HPCAL1: variants seen among roughly 807,000 people sequenced by gnomAD.
HPCAL1 encodes the protein hippocalcin-like protein 1.
HPCAL1 carries 8 observed loss-of-function variants against 17.1 expected under a neutral mutation model. That is an observed-to-expected ratio of 0.47 (90% CI 0.27 to 0.84). The LOEUF is 0.84. Among genes scored for constraint, HPCAL1 ranks in the 40% least tolerant of loss-of-function variants. The pLI, the probability that HPCAL1 is intolerant of heterozygous loss-of-function variation, is 0.13. For missense variants in HPCAL1, 165 were observed against 271.1 expected (o/e 0.61, Z 2.75); for synonymous variants, 112 against 111.4 (o/e 1.01, Z -0.03).
At chr2:10,346,266 G>A (rs1665441358) in intron 1 of HPCAL1, among the ~76,000 whole-genome samples, 1 of 152,168 alleles carries the variant, frequency 6.6e-6, no homozygotes, top group Non-Finnish European at 1.5e-5. Context: ...GGGGCCATGG[G>A]GAGCCTCCTG....
Position 10,310,004 on chromosome 2 carries a change from G to A in HPCAL1, c.-111+6827G>A, listed in dbSNP as rs1187984630. Among the ~76,000 whole-genome samples, 7 of 152,230 alleles carry A rather than the reference G, an allele frequency of 4.6e-5. No homozygotes were observed. The highest frequency in any genetic ancestry group is 8.8e-5 in the Non-Finnish European group (6 of 68,036). ...CCTCATTTGCAAAATACCTTGGAAA[G>A]ATCAGGGACACTGGGGTTTGAATTG... On this transcript the variant is annotated intron_variant, in intron 1 of 4. Transcript: ENST00000307845. This position sits in a 1 kb window ranked among gnomAD's most constrained non-coding sequence, Gnocchi z 4.5.
chr2:10,366,143 C>T (rs1666837540), intron 1 of HPCAL1, among the ~76,000 whole-genome samples: 1 of 152,222 alleles, frequency 6.6e-6, no homozygotes, highest in South Asian at 2.1e-4. Flanking sequence ...GCTGGCCTCT[C>T]AGCACAGCAC....
At chr2:10,322,644 T>C (rs1322660103) in intron 1 of HPCAL1, among the ~76,000 whole-genome samples, 2 of 152,242 alleles carry the variant, frequency 1.3e-5, no homozygotes, top group African/African-American at 4.8e-5. Flanking sequence ...ATGCATCTTC[T>C]TCCTGCCTGG....
In HPCAL1 at chr2:10,323,940, A is replaced by G. The variant is rs560877062; in HGVS notation, c.-111+20763A>G. 6.6e-6 allele frequency among the ~76,000 whole-genome samples: 1 copy of G among 152,386 alleles called. No individual in the cohort carries two copies. Among genetic ancestry groups the G allele is most frequent in the South Asian group, 2.1e-4 (1 of 4,830 alleles). On this transcript the variant is annotated intron_variant, in intron 1 of 4. Coordinates refer to ENST00000307845, the MANE Select transcript of HPCAL1 (RefSeq NM_002149.4). This position sits in a 1 kb window ranked among gnomAD's most constrained non-coding sequence, Gnocchi z 4.6. ...TAAATGTGGCACAAGAACGTAGTCTAAAGGATGTACTTCACCATGCAAAAG... is the reference window on the plus strand; with the variant it reads ...TAAATGTGGCACAAGAACGTAGTCTGAAGGATGTACTTCACCATGCAAAAG...
In HPCAL1 at chr2:10,359,307, T is replaced by G. The variant is rs1022432044; in HGVS notation, c.-110-37528T>G. Among the ~76,000 whole-genome samples, 1 of 152,196 alleles carries G rather than the reference T, an allele frequency of 6.6e-6. No homozygotes were observed. The highest frequency in any genetic ancestry group is 1.5e-5 in the Non-Finnish European group (1 of 68,022). ...GGGAGGTGGGCAGCTGGGGGCTCTCTGGACCCTGCGGCTGGCATGGGTTAG... is the reference window on the plus strand; with the variant it reads ...GGGAGGTGGGCAGCTGGGGGCTCTCGGGACCCTGCGGCTGGCATGGGTTAG... On this transcript the variant is annotated intron_variant, in intron 1 of 4. Coordinates refer to ENST00000307845, the MANE Select transcript of HPCAL1 (RefSeq NM_002149.4). The surrounding 1 kb of genome is among the most constrained non-coding windows in gnomAD (Gnocchi z 4.1).
intron 1 of HPCAL1, among the ~76,000 whole-genome samples, chr2:10,328,901 A>G (rs1664179292): frequency 6.8e-6 from 1 of 146,548 alleles, no homozygotes; most frequent in Non-Finnish European, 1.5e-5. Context: ...CCCCACCCCC[A>G]CTCCCTTCCT....
intron 1 of HPCAL1, among the ~76,000 whole-genome samples, chr2:10,329,811 C>T (rs961765518): frequency 6.6e-6 from 1 of 152,240 alleles, no homozygotes; most frequent in African/African-American, 2.4e-5. Context: ...ATGCAAAGTT[C>T]ATGGTTCTAC....
At chr2:10,373,675 G>T (rs1667369685) in intron 1 of HPCAL1, among the ~76,000 whole-genome samples, 1 of 151,994 alleles carries the variant, frequency 6.6e-6, no homozygotes, top group South Asian at 2.1e-4. Context: ...CCACCGTCCA[G>T]CCTCGAGCAG....
At chr2:10,322,049 G>A (rs2125403988) in intron 1 of HPCAL1, among the ~76,000 whole-genome samples, 1 of 152,188 alleles carries the variant, frequency 6.6e-6, no homozygotes, top group South Asian at 2.1e-4. Flanking sequence ...TAGAGACAAG[G>A]TCTTGCTCTG....
intron 1 of HPCAL1, among the ~76,000 whole-genome samples, chr2:10,341,121 A>C (rs909097071): frequency 2.0e-5 from 3 of 152,042 alleles, no homozygotes; most frequent in Non-Finnish European, 4.4e-5. Context: ...TTTTTCTTAA[A>C]GCCTAGGTTG....
rs1164752982 is a variant in HPCAL1 at position 10,384,304 on chromosome 2, C to T, written c.-110-12531C>T. Among the ~76,000 whole-genome samples the T allele has an allele frequency of 6.6e-6, 1 of 152,068 alleles. No homozygotes were observed. The highest frequency in any genetic ancestry group is 1.5e-5 in the Non-Finnish European group (1 of 68,004). ...TGCCAGTGGTGTTCTTGCAAAATAC[C>T]CCTTGTGGGAGGAGAGGGGTGGAGG... is the stretch of plus-strand genomic sequence containing the variant. On this transcript the variant is annotated intron_variant, in intron 1 of 4. Coordinates refer to ENST00000307845, the MANE Select transcript of HPCAL1 (RefSeq NM_002149.4). This position sits in a 1 kb window ranked among gnomAD's most constrained non-coding sequence, Gnocchi z 4.4.
At chr2:10,328,276 G>A (rs1664138504) in intron 1 of HPCAL1, among the ~76,000 whole-genome samples, 2 of 152,234 alleles carry the variant, frequency 1.3e-5, no homozygotes, top group Admixed American at 6.5e-5. Context: ...ATTTACATTG[G>A]CGCTCAGATG....
chr2:10,340,119 G>A (rs377457677), intron 1 of HPCAL1, among the ~76,000 whole-genome samples: 3 of 152,174 alleles, frequency 2.0e-5, no homozygotes, highest in Non-Finnish European at 2.9e-5. Context: ...TGCCTGCACC[G>A]CCTTCCCCCA....
At chr2:10,355,450 CAAAAAAAAAAAAAAAAAA>C (rs34600690) in intron 1 of HPCAL1, among the ~76,000 whole-genome samples, 55 of 32,210 alleles carry the variant, frequency 1.7e-3, no homozygotes, top group Non-Finnish European at 2.2e-3. Flanking sequence ...GACTCCGTCT[CAAAAAAAAAAAAAAAAAA>C]AAAAAAAAAA....
intron 2 of HPCAL1, among the ~76,000 whole-genome samples, chr2:10,415,437 C>G (rs932251415): frequency 7.2e-5 from 11 of 152,170 alleles, no homozygotes; most frequent in African/African-American, 2.7e-4. Flanking sequence ...AGGACACTTG[C>G]CATGTTCTAT....
chr2:10,375,767 C>G (rs1376612264), intron 1 of HPCAL1, among the ~76,000 whole-genome samples: 1 of 152,204 alleles, frequency 6.6e-6, no homozygotes, highest in African/African-American at 2.4e-5. Flanking sequence ...ATGACAGCCC[C>G]TTATGCATGG....
rs948261625 is a variant in HPCAL1 at position 10,394,250 on chromosome 2, G to A, written c.-110-2585G>A. Among the ~76,000 whole-genome samples, 2 of 152,128 alleles carry A rather than the reference G, an allele frequency of 1.3e-5. No homozygotes were observed. The highest frequency in any genetic ancestry group is 2.9e-5 in the Non-Finnish European group (2 of 68,032). On this transcript the variant is annotated intron_variant, in intron 1 of 4. Coordinates refer to ENST00000307845, the MANE Select transcript of HPCAL1 (RefSeq NM_002149.4). The surrounding 1 kb of genome is among the most constrained non-coding windows in gnomAD (Gnocchi z 5.0). ...CGAGTGTCACCTGAGCTGGTGTCCCGGAGTCTCTTTCCTTCTCCATAAACA... is the reference window on the plus strand; with the variant it reads ...CGAGTGTCACCTGAGCTGGTGTCCCAGAGTCTCTTTCCTTCTCCATAAACA...
In HPCAL1 at chr2:10,345,163, G is replaced by C. The variant is rs528542560; in HGVS notation, c.-111+41986G>C. Among the ~76,000 whole-genome samples, 5 of 151,350 alleles carry C rather than the reference G, an allele frequency of 3.3e-5. No homozygotes were observed. The South Asian group carries it at 6.3e-4, about 19-fold the overall frequency. On this transcript the variant is annotated intron_variant, in intron 1 of 4. Transcript: ENST00000307845. ...TGTTTCTGTCTGTCTTGCTCTCTCT[G>C]TTTCAATCTCTCTATCTCTGTGCCT...
chr2:10,385,507 C>T (rs1668247190), intron 1 of HPCAL1, among the ~76,000 whole-genome samples: 1 of 152,122 alleles, frequency 6.6e-6, no homozygotes, highest in South Asian at 2.1e-4. Flanking sequence ...CTCTCGGAGG[C>T]CGGGCTGGGC....
Sources: gnomAD v4.1 joint callset for allele counts (sites outside exome capture counted in the v4.1 genomes callset) on GRCh38, gnomAD v4.1.1 for gene constraint, Gnocchi (gnomAD v3.1) non-coding constraint, MANE v1.5 for transcripts, NCBI Gene and HGNC (gene_info 2026-07-23, HGNC 2026-07-21) for gene names.